Variants in CPAMD8 observed in about 807,000 individuals in gnomAD.
The protein encoded by CPAMD8 is C3 and PZP-like alpha-2-macroglobulin domain-containing protein 8.
A neutral mutation model predicts 224.7 loss-of-function variants in CPAMD8; 146 were observed. That is an observed-to-expected ratio of 0.65 (90% confidence interval 0.57 to 0.75). The LOEUF (loss-of-function observed/expected upper bound fraction) is 0.75. Among genes scored for constraint, CPAMD8 ranks in the 30% least tolerant of loss-of-function variants. The pLI, the probability that CPAMD8 is intolerant of heterozygous loss-of-function variation, is 0.00. For missense variants in CPAMD8, 2,301 were observed against 2,537.5 expected, an observed-to-expected ratio of 0.91 and a Z score of 2.00; for synonymous variants, 966 against 1,044.6, an observed-to-expected ratio of 0.92 and a Z score of 1.45.
chr19:16,990,953 G>A (rs1457665188), intron 12 of CPAMD8, among the ~76,000 whole-genome samples: 7 of 150,378 alleles, frequency 4.7e-5, no homozygotes, highest in South Asian at 2.1e-4. Flanking sequence ...GGGTATAAAC[G>A]GGCCACACCA....
chr19:16,894,921 A>ACAC, intron 41 of CPAMD8: 1 of 151,666 alleles, frequency 6.6e-6, no homozygotes, highest in South Asian at 1.7e-4. Context: ...CCATCTCTAC[A>ACAC]ACACACACAC....
intron 18 of CPAMD8, among the ~76,000 whole-genome samples, chr19:16,969,456 T>A (rs983976721): frequency 2.0e-5 from 3 of 152,150 alleles, no homozygotes; most frequent in African/African-American, 7.2e-5. Flanking sequence ...ATGGACTCAA[T>A]GTTTGCATCC....
At chr19:16,979,007 T>A (rs1159322140) in intron 14 of CPAMD8, among the ~76,000 whole-genome samples, 1 of 150,946 alleles carries the variant, frequency 6.6e-6, no homozygotes, top group Non-Finnish European at 1.5e-5. Flanking sequence ...TGTTCATCCA[T>A]CCATCTGTTC....
rs1444293857 is a variant in CPAMD8, at chr19:16,899,618, A to G, written c.4774-69T>C. On this transcript the variant is annotated intron_variant, in intron 36 of 41. Coordinates refer to ENST00000443236, the MANE Select transcript of CPAMD8 (RefSeq NM_015692.5). The surrounding 1 kb of genome is among the most constrained non-coding windows in gnomAD (Gnocchi z 5.4). ...GCTTCCTCTCCCATCCCCTGGGGGC[A>G]GTGGTCAGTGGGATGCTTGGACTTG... 1 of 800,214 alleles carries G rather than the reference A, an allele frequency of 1.2e-6. No homozygotes were observed. Among genetic ancestry groups the G allele is most frequent in the Non-Finnish European group, 2.2e-6 (1 of 445,176 alleles). The allele number at this position is 800,214 out of a possible 1,614,324, so 49.6% of individuals were successfully genotyped here.
intron 8 of CPAMD8, 49 bp from the exon 9 acceptor site, chr19:17,002,399 G>T (rs2056356750): frequency 7.5e-6 from 10 of 1,335,210 alleles, no homozygotes; most frequent in Non-Finnish European, 9.6e-6. Context: ...CCCTAAGGTG[G>T]CCTCAGGAGC....
intron 3 of CPAMD8, among the ~76,000 whole-genome samples, chr19:17,018,753 C>T (rs1339137333): frequency 7.0e-6 from 1 of 143,272 alleles, no homozygotes; most frequent in Admixed American, 6.9e-5. Context: ...CACACACACA[C>T]ACAAAATTAG....
chr19:16,906,407 T>TCTCTTTCTCTCTTTCC (rs1555755966), intron 30 of CPAMD8, among the ~76,000 whole-genome samples: 1 of 69,866 alleles, frequency 1.4e-5, no homozygotes, highest in African/African-American at 6.5e-5. Context: ...TCTTTCTTTC[T>TCTCTTTCTCTCTTTCC]TTCCTTCCTT....
chr19:16,982,939 A>G (rs950201942), intron 13 of CPAMD8, among the ~76,000 whole-genome samples: 4 of 152,200 alleles, frequency 2.6e-5, no homozygotes, highest in Non-Finnish European at 5.9e-5. Flanking sequence ...TTTCCCCAAT[A>G]CAGTTCTCAT....
chr19:16,906,430 CCTTCCTT>C (rs1453544311), intron 30 of CPAMD8, among the ~76,000 whole-genome samples: 1 of 140,186 alleles, frequency 7.1e-6, no homozygotes, highest in East Asian at 2.1e-4. Context: ...TTCCTTCCTT[CCTTCCTT>C]CTTTTCTTTC....
intron 26 of CPAMD8, among the ~76,000 whole-genome samples, chr19:16,923,770 C>T (rs779731616): frequency 9.2e-5 from 14 of 152,064 alleles, no homozygotes; most frequent in Admixed American, 6.6e-4. Flanking sequence ...TCAAGACCAG[C>T]CTGGACAACA....
intron 14 of CPAMD8, among the ~76,000 whole-genome samples, chr19:16,979,174 C>G (rs1240754810): frequency 6.6e-6 from 1 of 151,276 alleles, no homozygotes; most frequent in African/African-American, 2.4e-5. Flanking sequence ...CACTATCCAT[C>G]CATCCATTCA....
intron 20 of CPAMD8, among the ~76,000 whole-genome samples, chr19:16,949,856 G>A (rs1041126735): frequency 2.0e-5 from 3 of 152,088 alleles, no homozygotes; most frequent in Non-Finnish European, 2.9e-5. Flanking sequence ...GGGCTGTCCC[G>A]GCACCCGTAG....
Position 16,986,788 on chromosome 19 carries a change from C to T in CPAMD8, c.1395+2855G>A, listed in dbSNP as rs189437602. Among the ~76,000 whole-genome samples, 377 of 152,068 alleles carry T rather than the reference C, an allele frequency of 2.5e-3. 2 individuals are homozygous for T. Among genetic ancestry groups the T allele is most frequent in the African/African-American group, 8.1e-3 (337 of 41,482 alleles). On this transcript the variant is annotated intron_variant, in intron 13 of 41. Transcript: ENST00000443236. ...CCAGAGGCTCTGCTGGGATTGCGGC[C>T]AGGATGCAAACAGCCCAGCCAGTGA...
At chr19:16,906,407 T>TTTCTTTCTCTCTTTCCTTCC (rs1196710399) in intron 30 of CPAMD8, among the ~76,000 whole-genome samples, 1 of 69,866 alleles carries the variant, frequency 1.4e-5, no homozygotes, top group African/African-American at 6.5e-5. Flanking sequence ...TCTTTCTTTC[T>TTTCTTTCTCTCTTTCCTTCC]TTCCTTCCTT....
chr19:16,896,186 C>A lies in CPAMD8; in HGVS notation c.5416G>T (p.Ala1806Ser), dbSNP rs1190470441. ...EDSDPEPEGE[A>S]EDRVTAGPRP... is the part of the protein sequence containing the mutation. ...GGGCCCAGCTGTTACCTGTCCTCCG[C>A]CTCCCCTTCAGGCTCAGGGTCTGAG... Residue 1806 changes from alanine to serine, a missense_variant, in exon 41 of 42, where the codon GCG becomes TCG. Coordinates refer to ENST00000443236, the MANE Select transcript of CPAMD8 (RefSeq NM_015692.5). The A allele has an allele frequency of 6.2e-7, 1 of 1,613,794 alleles. No individual in the cohort carries two copies. The highest frequency in any genetic ancestry group is 2.2e-5 in the East Asian group (1 of 44,860).
At chr19:16,942,704 C>T (rs2122204751) in intron 22 of CPAMD8, among the ~76,000 whole-genome samples, 1 of 152,304 alleles carries the variant, frequency 6.6e-6, no homozygotes, top group East Asian at 1.9e-4. Flanking sequence ...ATCTCTTCCA[C>T]TCTGCCCCTC....
intron 20 of CPAMD8, 27 bp from the exon 21 acceptor site, chr19:16,947,254 C>T (rs769742899): frequency 1.5e-5 from 24 of 1,592,710 alleles, no homozygotes; most frequent in South Asian, 4.6e-5. Context: ...TGGCTCATGG[C>T]GCCTGGAATC....
At chr19:16,954,446 G>T (rs1393224990) in intron 19 of CPAMD8, among the ~76,000 whole-genome samples, 6 of 152,248 alleles carry the variant, frequency 3.9e-5, no homozygotes, top group African/African-American at 1.2e-4. Flanking sequence ...TGCAGCTGCT[G>T]TGGAAATTAG....
At chr19:16,916,346 G>A (rs1468426686) in intron 27 of CPAMD8, among the ~76,000 whole-genome samples, 2 of 151,840 alleles carry the variant, frequency 1.3e-5, no homozygotes, top group Non-Finnish European at 1.5e-5. Context: ...AGCAATTCTC[G>A]TGCCTCAGCC....
Sources: gnomAD v4.1 joint callset for allele counts (sites outside exome capture counted in the v4.1 genomes callset) on GRCh38, gnomAD v4.1.1 for gene constraint, Gnocchi (gnomAD v3.1) non-coding constraint, MANE v1.5 for transcripts, NCBI Gene and HGNC (gene_info 2026-07-23, HGNC 2026-07-21) for gene names.